The following NOS1 variants were observed in gnomAD, a reference collection of about 807,000 sequenced individuals.
NOS1 encodes nitric oxide synthase 1.
A neutral mutation model predicts 164.5 loss-of-function variants in NOS1; 51 were observed. That is an observed-to-expected ratio of 0.31 (90% CI 0.25 to 0.39). The LOEUF (loss-of-function observed/expected upper bound fraction) is 0.39. Among genes scored for constraint, NOS1 ranks in the 10% least tolerant of loss-of-function variants. The pLI is 1.00. For synonymous variants in NOS1, 719 were observed against 745.8 expected (o/e 0.96, Z 0.59); for missense variants, 1,362 against 1,885.6 (o/e 0.72, Z 5.14).
intron 3 of NOS1, among the ~76,000 whole-genome samples, chr12:117,305,777 C>T (rs910403559): frequency 2.7e-5 from 4 of 150,586 alleles, no homozygotes; most frequent in African/African-American, 9.7e-5. Flanking sequence ...AGGATGATTT[C>T]GCAGGCCCGT....
intron 2 of NOS1, among the ~76,000 whole-genome samples, chr12:117,314,072 G>A (rs1386636517): frequency 1.3e-5 from 2 of 152,130 alleles, no homozygotes; most frequent in Admixed American, 6.5e-5. Context: ...CCCCTCCAGC[G>A]GCTCCCTCTG....
chr12:117,246,033 G>A (rs1870590994), intron 18 of NOS1: 1 of 155,368 alleles, frequency 6.4e-6, no homozygotes, highest in Admixed American at 6.6e-5. Context: ...CACTCAACAT[G>A]GCTTTTATCA....
intron 9 of NOS1, among the ~76,000 whole-genome samples, chr12:117,273,391 G>C (rs143086165): frequency 6.6e-6 from 1 of 152,238 alleles, no homozygotes; most frequent in South Asian, 2.1e-4. Flanking sequence ...GCAGTGTCAG[G>C]AGCCTCAGGA....
rs10588671 is a variant in NOS1, at chr12:117,234,906, C to CTAT, written c.3042-151_3042-149dup. 1,240 of 439,194 alleles carry CTAT rather than the reference C, an allele frequency of 2.8e-3. 4 individuals carry two copies. Among genetic ancestry groups the CTAT allele is most frequent in the East Asian group, 0.013 (358 of 27,278 alleles). 27.2% of individuals were successfully genotyped at this position (439,194 alleles called of 1,614,324 possible). A position where few individuals can be genotyped will look rare whatever the true frequency, so the allele number is the denominator to read the frequency against. ...TAACCAAGCCTATGCCCCCATCATT[C>CTAT]TATTATTATTATTATTATTATTATT... On this transcript the variant is annotated intron_variant, in intron 20 of 28. Coordinates refer to ENST00000317775, the MANE Select transcript of NOS1 (RefSeq NM_000620.5). This position sits in a 1 kb window ranked among gnomAD's most constrained non-coding sequence, Gnocchi z 4.3.
In NOS1 at chr12:117,214,184, C is replaced by G; in HGVS notation, c.*1125G>C. The G allele has an allele frequency of 1.0e-6, 1 of 985,334 alleles. No homozygotes were observed. Among genetic ancestry groups the G allele is most frequent in the Non-Finnish European group, 1.2e-6 (1 of 829,922 alleles). 61.0% of individuals were successfully genotyped at this position (985,334 alleles called of 1,614,324 possible). On this transcript the variant is annotated 3_prime_UTR_variant, in exon 29 of 29. Coordinates refer to ENST00000317775, the MANE Select transcript of NOS1 (RefSeq NM_000620.5). ...ATCCCCAAGGGTGAAGCAGCAAGCC[C>G]GCTTTGGGGGAATAAAAAAATAATA... is the stretch of plus-strand genomic sequence containing the variant.
chr12:117,338,625 TA>T (rs567102392), intron 1 of NOS1, among the ~76,000 whole-genome samples: 258 of 151,996 alleles, frequency 1.7e-3, no homozygotes, highest in Admixed American at 2.0e-3. Flanking sequence ...ATAATAAAAT[TA>T]AAAAAATCTA....
chr12:117,330,959 A>C lies in NOS1; in HGVS notation c.111T>G (p.Ser37Arg). 1 of 1,614,180 alleles carries C rather than the reference A, an allele frequency of 6.2e-7. No homozygotes were observed. The highest frequency in any genetic ancestry group is 8.5e-7 in the Non-Finnish European group (1 of 1,180,022). ...GGTCAGAGATGATCACGGGCGGCTTACTGACCCGCTCCTTCACCAGAAATC... is the reference window on the plus strand; with the variant it reads ...GGTCAGAGATGATCACGGGCGGCTTCCTGACCCGCTCCTTCACCAGAAATC... ...GLGFLVKERV[S>R]KPPVIISDLI... Residue 37 changes from serine to arginine, a missense_variant, in exon 2 of 29, where the codon AGT becomes AGG. Physicochemically the swap from Ser to Arg is moderately radical, Grantham distance 110. Coordinates refer to ENST00000317775, the MANE Select transcript of NOS1 (RefSeq NM_000620.5). The surrounding 1 kb of genome is among the most constrained non-coding windows in gnomAD (Gnocchi z 4.6).
At chr12:117,306,847 T>G (rs1874174485) in intron 3 of NOS1, among the ~76,000 whole-genome samples, 1 of 152,220 alleles carries the variant, frequency 6.6e-6, no homozygotes, top group East Asian at 1.9e-4. Flanking sequence ...CTCAAACTCC[T>G]GACCTCAGGG....
In NOS1 at chr12:117,359,876, T is replaced by TTATATATA. The variant is rs56787288; in HGVS notation, c.-421+1628_-421+1635dup. 2.2e-3 allele frequency among the ~76,000 whole-genome samples: 80 copies of TTATATATA among 36,888 alleles called. 7 individuals carry two copies. The highest frequency in any genetic ancestry group is 3.3e-3 in the South Asian group (3 of 896). 24.2% of individuals were successfully genotyped at this position (36,888 alleles called of 152,430 possible). On this transcript the variant is annotated intron_variant, in intron 1 of 28. Coordinates refer to ENST00000317775, the MANE Select transcript of NOS1 (RefSeq NM_000620.5). ...GTCCCAGAGCATTACAATAATGGTTTTATATATATATATATATATATATAT... is the reference window on the plus strand; with the variant it reads ...GTCCCAGAGCATTACAATAATGGTTTTATATATATATATATATATATATATATATATAT...
In NOS1 at chr12:117,338,229, A is replaced by AC. The variant is rs1383366053; in HGVS notation, c.-420-6741_-420-6740insG. Reference sequence around the variant, plus strand: ...GAGACTCTGTCTCAAACAAAACAAAAAAAAACAAAACAAAACAAAATAAAA... The same window carrying AC: ...GAGACTCTGTCTCAAACAAAACAAAACAAAAACAAAACAAAACAAAATAAAA... On this transcript the variant is annotated intron_variant, in intron 1 of 28. Coordinates refer to ENST00000317775, the MANE Select transcript of NOS1 (RefSeq NM_000620.5). Among the ~76,000 whole-genome samples the AC allele has an allele frequency of 1.6e-3, 249 of 151,074 alleles. 1 individual carries two copies. The highest frequency in any genetic ancestry group is 4.5e-3 in the East Asian group (23 of 5,162).
chr12:117,296,384 G>C (rs1873416301), intron 3 of NOS1, among the ~76,000 whole-genome samples: 1 of 152,202 alleles, frequency 6.6e-6, no homozygotes, highest in African/African-American at 2.4e-5. Flanking sequence ...ACTGGGAAAG[G>C]CAGACCCACC....
At chr12:117,333,083 GCA>G (rs1475901648) in intron 1 of NOS1, among the ~76,000 whole-genome samples, 3 of 152,200 alleles carry the variant, frequency 2.0e-5, no homozygotes, top group East Asian at 3.9e-4. Context: ...CCGTGTACAT[GCA>G]CAGTGTGGCA....
rs1358966259 is a variant in NOS1 at position 117,208,839 on chromosome 12, C to G, written c.*6470G>C. 1.4e-6 allele frequency: 1 copy of G among 708,074 alleles called. No individual in the cohort carries two copies. Among genetic ancestry groups the G allele is most frequent in the East Asian group, 1.3e-4 (1 of 7,578 alleles). 43.9% of individuals were successfully genotyped at this position (708,074 alleles called of 1,614,324 possible). A position where few individuals can be genotyped will look rare whatever the true frequency, so the allele number is the denominator to read the frequency against. On this transcript the variant is annotated 3_prime_UTR_variant, in exon 29 of 29. Coordinates refer to ENST00000317775, the MANE Select transcript of NOS1 (RefSeq NM_000620.5). ...CTGGGTTCAAGTAATTCTCCTGCCT[C>G]AGCCTCCCGAGTAGATGGGATTACA...
intron 3 of NOS1, among the ~76,000 whole-genome samples, chr12:117,310,654 T>A (rs1874383500): frequency 6.6e-6 from 1 of 152,012 alleles, no homozygotes; most frequent in Non-Finnish European, 1.5e-5. Context: ...ATTTCAATAT[T>A]TTTTTAGAGA....
At chr12:117,332,837 C>T (rs2136076802) in intron 1 of NOS1, among the ~76,000 whole-genome samples, 1 of 152,352 alleles carries the variant, frequency 6.6e-6, no homozygotes, top group South Asian at 2.1e-4. Flanking sequence ...TGCGCTCCAG[C>T]CTGGGCAACA....
chr12:117,330,224 T>C lies in NOS1; in HGVS notation c.725+121A>G. The C allele has an allele frequency of 1.4e-6, 2 of 1,411,906 alleles. No homozygotes were observed. The highest frequency in any genetic ancestry group is 1.4e-5 in the African/African-American group (1 of 70,120). The allele number at this position is 1,411,906 out of a possible 1,614,324, so 87.5% of individuals were successfully genotyped here. On this transcript the variant is annotated intron_variant, in intron 2 of 28. Coordinates refer to ENST00000317775, the MANE Select transcript of NOS1 (RefSeq NM_000620.5). The surrounding 1 kb of genome is among the most constrained non-coding windows in gnomAD (Gnocchi z 4.6). ...CGTCAAGTGGTTATGCAAAAACAGGTATCTGAGACAGCCCAGGTTGGCTTC... is the reference window on the plus strand; with the variant it reads ...CGTCAAGTGGTTATGCAAAAACAGGCATCTGAGACAGCCCAGGTTGGCTTC...
chr12:117,330,651 G>T lies in NOS1; in HGVS notation c.419C>A (p.Pro140Gln), dbSNP rs752127138. ...TGCCAGGGGCTGTTCTTTGCCGGCC[G>T]GTGGCTGGTGGGACAGATCCACGGC... ...TKAVDLSHQP[P>Q]AGKEQPLAVD... The change falls in exon 2 of 29, where the codon CCG becomes CAG. Residue 140 changes from proline (P) to glutamine (Q), a missense_variant. Pro to Gln is a moderately conservative substitution (Grantham distance 76, BLOSUM62 -1). Transcript: ENST00000317775. This position sits in a 1 kb window ranked among gnomAD's most constrained non-coding sequence, Gnocchi z 4.6. The T allele has an allele frequency of 1.7e-5, 28 of 1,611,504 alleles. No homozygotes were observed. The highest frequency in any genetic ancestry group is 2.4e-5 in the Non-Finnish European group (28 of 1,178,272).
intron 26 of NOS1, 67 bp from the exon 27 acceptor site, chr12:117,220,336 G>T (rs1292264823): frequency 4.1e-6 from 6 of 1,470,606 alleles, no homozygotes; most frequent in Middle Eastern, 4.8e-4. Flanking sequence ...GCCCATGTCT[G>T]CCCAGGAAGC....
intron 1 of NOS1, among the ~76,000 whole-genome samples, chr12:117,335,167 C>T (rs1247435740): frequency 6.6e-6 from 1 of 152,184 alleles, no homozygotes; most frequent in Non-Finnish European, 1.5e-5. Context: ...GACTTCCTGG[C>T]TTTTAATTCA....
Sources: gnomAD v4.1 joint callset for allele counts (sites outside exome capture counted in the v4.1 genomes callset) on GRCh38, gnomAD v4.1.1 for gene constraint, Gnocchi (gnomAD v3.1) non-coding constraint, MANE v1.5 for transcripts, NCBI Gene and HGNC (gene_info 2026-07-23, HGNC 2026-07-21) for gene names.